Variants in TLE1 observed in about 807,000 individuals in gnomAD.
The protein encoded by TLE1 is TLE family member 1, transcriptional corepressor.
TLE1 carries 21 observed loss-of-function variants against 89.8 expected under a neutral mutation model. That is an observed-to-expected ratio of 0.23 (90% CI 0.17 to 0.34). The LOEUF (loss-of-function observed/expected upper bound fraction) is 0.34. Ranked by LOEUF, TLE1 falls within the 10% of genes least tolerant of loss-of-function variation. The pLI is 1.00. For missense variants in TLE1, 795 were observed against 1,031.2 expected (o/e 0.77, Z 3.14); for synonymous variants, 447 against 407.6 (o/e 1.10, Z -1.16).
chr9:81,596,522 T>C (rs1358990442), intron 14 of TLE1, among the ~76,000 whole-genome samples: 1 of 152,206 alleles, frequency 6.6e-6, no homozygotes, highest in African/African-American at 2.4e-5. Context: ...GGGCTCATCA[T>C]GACCATGGTG....
intron 6 of TLE1, among the ~76,000 whole-genome samples, chr9:81,646,322 T>C (rs753890372): frequency 7.2e-5 from 11 of 152,152 alleles, no homozygotes; most frequent in Non-Finnish European, 1.0e-4. Flanking sequence ...TGCGAAGACT[T>C]CTTTGCAATA....
At chr9:81,601,094 G>A (rs1452995854) in intron 14 of TLE1, among the ~76,000 whole-genome samples, 2 of 152,086 alleles carry the variant, frequency 1.3e-5, no homozygotes, top group Non-Finnish European at 2.9e-5. Flanking sequence ...TGTTTCTCTG[G>A]AGAACCCAGA....
chr9:81,677,194 T>G (rs1408674237), intron 4 of TLE1, among the ~76,000 whole-genome samples: 1 of 151,824 alleles, frequency 6.6e-6, no homozygotes, highest in African/African-American at 2.4e-5. Context: ...GCTGAGATTG[T>G]GCCACTGCAC....
At position 81,643,244 on chromosome 9, in the gene TLE1, G is replaced by GT. The variant is rs60666250; in HGVS notation, c.373-8944dup. The stretch of plus-strand genomic sequence containing the variant: ...TGGTGTGTTTGTTTTTTGTTTTTTG[G>GT]TTTTTTTTTTTGACAGAGTTTCGCT... On this transcript the variant is annotated intron_variant, in intron 6 of 19. Coordinates refer to ENST00000376499, the MANE Select transcript of TLE1 (RefSeq NM_005077.5). Among the ~76,000 whole-genome samples the GT allele has an allele frequency of 2.2e-3, 327 of 147,592 alleles. 1 individual carries two copies. The highest frequency in any genetic ancestry group is 2.7e-3 in the Admixed American group (40 of 14,904).
At position 81,688,470 on chromosome 9, in the gene TLE1, C is replaced by A. The variant is rs1261253550; in HGVS notation, c.-230G>T. ...GCCCTCAGGGCCACATTAGTGGGCG[C>A]CCCAGGCCCAGCTGCTTCAAGAACC... On this transcript the variant is annotated 5_prime_UTR_variant, in exon 1 of 20. Coordinates refer to ENST00000376499, the MANE Select transcript of TLE1 (RefSeq NM_005077.5). 9.2e-6 allele frequency: 4 copies of A among 437,038 alleles called. No individual in the cohort carries two copies. Among genetic ancestry groups the A allele is most frequent in the Non-Finnish European group, 1.6e-5 (4 of 251,306 alleles). 27.1% of individuals were successfully genotyped at this position (437,038 alleles called of 1,614,324 possible).
At chr9:81,640,080 T>A (rs1376533463) in intron 6 of TLE1, among the ~76,000 whole-genome samples, 1 of 151,848 alleles carries the variant, frequency 6.6e-6, no homozygotes, top group Non-Finnish European at 1.5e-5. Context: ...ATCTAATGGG[T>A]GAAGGCCAAG....
chr9:81,664,111 G>A (rs975677828), intron 4 of TLE1, among the ~76,000 whole-genome samples: 3 of 151,896 alleles, frequency 2.0e-5, no homozygotes, highest in Non-Finnish European at 2.9e-5. Flanking sequence ...TGAAGATGAC[G>A]TCTTATTTTT....
intron 13 of TLE1, 112 bp from the exon 14 acceptor site, chr9:81,610,408 C>CAGTA: frequency 1.3e-6 from 1 of 773,926 alleles, no homozygotes; most frequent in South Asian, 1.7e-5. Flanking sequence ...TAAATGGGAA[C>CAGTA]AGTAACATGG....
intron 8 of TLE1, among the ~76,000 whole-genome samples, chr9:81,621,659 T>C (rs982396871): frequency 2.6e-5 from 4 of 152,138 alleles, no homozygotes; most frequent in African/African-American, 9.7e-5. Context: ...GAGCAAATAT[T>C]TTATGGTATC....
intron 15 of TLE1, among the ~76,000 whole-genome samples, chr9:81,591,421 A>G (rs1451834245): frequency 6.6e-6 from 1 of 152,102 alleles, no homozygotes; most frequent in Non-Finnish European, 1.5e-5. Flanking sequence ...CCCATCCTCT[A>G]TGTTTCGGTC....
At chr9:81,585,805 A>C in intron 17 of TLE1, 150 bp from the exon 18 acceptor site, 2 of 884,144 alleles carry the variant, frequency 2.3e-6, no homozygotes, top group Non-Finnish European at 3.3e-6. Context: ...AAGTGATCTA[A>C]CGCAGATGAA....
chr9:81,612,398 A>G lies in TLE1; in HGVS notation c.1064-439T>C, dbSNP rs551612931. On this transcript the variant is annotated intron_variant, in intron 12 of 19. Coordinates refer to ENST00000376499, the MANE Select transcript of TLE1 (RefSeq NM_005077.5). ...ATTCCAAATGAAAATCCAATCCTGG[A>G]TTTACGTAAACCAAAGCACGGGTTT... 6.1e-6 allele frequency: 6 copies of G among 986,318 alleles called. No homozygotes were observed. In the South Asian group the frequency reaches 1.9e-4, roughly 31 times the overall value. The allele number at this position is 986,318 out of a possible 1,614,324, so 61.1% of individuals were successfully genotyped here. A position where few individuals can be genotyped will look rare whatever the true frequency, so the allele number is the denominator to read the frequency against.
chr9:81,651,326 C>A (rs1395027761), intron 6 of TLE1, among the ~76,000 whole-genome samples: 1 of 152,156 alleles, frequency 6.6e-6, no homozygotes, highest in Non-Finnish European at 1.5e-5. Context: ...TGAGAACCAT[C>A]CCAGGTCCTG....
intron 14 of TLE1, chr9:81,599,969 G>C: frequency 3.5e-6 from 2 of 568,058 alleles, no homozygotes; most frequent in Non-Finnish European, 6.5e-6. Flanking sequence ...TACAAGCAAA[G>C]AAAACAAGAA....
At chr9:81,595,600 C>T (rs559755674) in intron 14 of TLE1, among the ~76,000 whole-genome samples, 25 of 152,202 alleles carry the variant, frequency 1.6e-4, no homozygotes, top group Admixed American at 7.8e-4. Flanking sequence ...GGGCGGATCA[C>T]GAGATCAGGA....
intron 8 of TLE1, among the ~76,000 whole-genome samples, chr9:81,629,237 T>C (rs1012670346): frequency 6.6e-6 from 1 of 152,204 alleles, no homozygotes; most frequent in Non-Finnish European, 1.5e-5. Flanking sequence ...TTTTGTCAAT[T>C]ATCTCTTTCA....
At chr9:81,642,522 TC>T (rs1157805610) in intron 6 of TLE1, among the ~76,000 whole-genome samples, 1 of 114,150 alleles carries the variant, frequency 8.8e-6, no homozygotes, top group Non-Finnish European at 1.9e-5. Context: ...TGAAACCCCG[TC>T]TCTACTTAAA....
At chr9:81,676,648 A>G (rs573910566) in intron 4 of TLE1, among the ~76,000 whole-genome samples, 2 of 152,330 alleles carry the variant, frequency 1.3e-5, no homozygotes, top group East Asian at 3.9e-4. Context: ...TATGAGGGAC[A>G]AAGAGGTCAT....
chr9:81,660,973 ACACAC>A (rs1167420702), intron 4 of TLE1, among the ~76,000 whole-genome samples: 68 of 110,158 alleles, frequency 6.2e-4, no homozygotes, highest in African/African-American at 1.2e-3. Flanking sequence ...ACACACACAC[ACACAC>A]ATTTAGCCTG....
Sources: allele counts gnomAD v4.1 joint callset (sites outside exome capture counted in the v4.1 genomes callset), GRCh38; gene constraint gnomAD v4.1.1; transcripts MANE v1.5; gene names NCBI Gene and HGNC (gene_info 2026-07-23, HGNC 2026-07-21).